The following KLC1 variants were observed in gnomAD, a reference collection of about 807,000 sequenced individuals.
The protein encoded by KLC1 is kinesin 2 60/70kDa.
In KLC1, 30 loss-of-function variants were observed where a neutral mutation model predicts 84.2. That is an observed-to-expected ratio of 0.36 (90% CI 0.27 to 0.48). The LOEUF (loss-of-function observed/expected upper bound fraction) is 0.48, where lower values mean the gene tolerates loss of function less well. Ranked by LOEUF, KLC1 falls within the 20% of genes least tolerant of loss-of-function variation. KLC1 has a pLI of 0.99. For synonymous variants in KLC1, 289 were observed against 293.3 expected, an observed-to-expected ratio of 0.99 and a Z score of 0.15; for missense variants, 499 against 805.4, an observed-to-expected ratio of 0.62 and a Z score of 4.60.
intron 1 of KLC1, among the ~76,000 whole-genome samples, chr14:103,636,393 G>A (rs1359107719): frequency 6.6e-6 from 1 of 151,934 alleles, no homozygotes; most frequent in African/African-American, 2.4e-5. Context: ...GGCTAATTTT[G>A]TATTTTTAGT....
At chr14:103,691,613 C>T (rs193108471) in intron 14 of KLC1, among the ~76,000 whole-genome samples, 1 of 151,908 alleles carries the variant, frequency 6.6e-6, no homozygotes, top group Admixed American at 6.6e-5. Flanking sequence ...GAATTACAGG[C>T]ACATGCCACC....
intron 1 of KLC1, 32 bp from the exon 2 acceptor site, chr14:103,654,532 G>A (rs1434914353): frequency 1.9e-6 from 3 of 1,546,600 alleles, no homozygotes; most frequent in South Asian, 1.2e-5. Flanking sequence ...CTGTAATGAG[G>A]GATCTAATTT....
At chr14:103,689,375 C>T (rs1285106596) in intron 14 of KLC1, among the ~76,000 whole-genome samples, 1 of 152,132 alleles carries the variant, frequency 6.6e-6, no homozygotes, top group African/African-American at 2.4e-5. Context: ...GAACTGTGGT[C>T]AGTGTTCATG....
chr14:103,677,522 A>G lies in KLC1; in HGVS notation c.1487A>G (p.Gln496Arg). 6.2e-7 allele frequency: 1 copy of G among 1,604,864 alleles called. No homozygotes were observed. The highest frequency in any genetic ancestry group is 1.1e-5 in the South Asian group (1 of 90,862). Residue 496 changes from glutamine to arginine, a missense_variant and splice_region_variant, in exon 12 of 17, where the codon CAG becomes CGG. By Grantham distance (43) the Gln-to-Arg change is conservative. This residue lies in a region of KLC1 where 167 missense variants were observed against 208.8 expected (regional missense o/e 0.80). Coordinates refer to ENST00000334553, the MANE Select transcript of KLC1 (RefSeq NM_001394837.1). The part of the protein sequence containing the change: ...LEEAAMRSRK[Q>R]GLDNVHKQRV... ...GAAGCTGCTATGAGGTCTCGTAAACAGGTTAGTCATACTTCTGTCCTTAAC... is the reference window on the plus strand; with the variant it reads ...GAAGCTGCTATGAGGTCTCGTAAACGGGTTAGTCATACTTCTGTCCTTAAC...
intron 5 of KLC1, among the ~76,000 whole-genome samples, chr14:103,663,415 C>G (rs536727424): frequency 5.3e-5 from 8 of 152,268 alleles, no homozygotes; most frequent in African/African-American, 1.7e-4. Context: ...GTCACTGAAT[C>G]AGAAGAACAG....
intron 6 of KLC1, among the ~76,000 whole-genome samples, 183 bp from the exon 7 acceptor site, chr14:103,669,999 G>T (rs1391465610): frequency 1.3e-5 from 2 of 152,190 alleles, no homozygotes; most frequent in South Asian, 2.1e-4. Flanking sequence ...GTATTCTGCA[G>T]TGTTACTTTG....
chr14:103,686,300 T>G, intron 13 of KLC1: 1 of 818,362 alleles, frequency 1.2e-6, no homozygotes, highest in Non-Finnish European at 1.5e-6. Context: ...GCACAGCTGC[T>G]AGGGGTCATG....
chr14:103,666,961 A>G (rs2079907047), intron 5 of KLC1, among the ~76,000 whole-genome samples: 1 of 148,194 alleles, frequency 6.7e-6, no homozygotes, highest in South Asian at 2.1e-4. Flanking sequence ...TATTTTTAGT[A>G]GAGACAGGGT....
chr14:103,680,677 G>A (rs912870089), intron 13 of KLC1, among the ~76,000 whole-genome samples: 1 of 152,226 alleles, frequency 6.6e-6, no homozygotes, highest in Non-Finnish European at 1.5e-5. Context: ...TTGGGCAGTA[G>A]TCTAAACTGA....
intron 15 of KLC1, chr14:103,700,201 G>A (rs1465378217): frequency 5.1e-6 from 1 of 195,542 alleles, no homozygotes; most frequent in African/African-American, 2.4e-5. Context: ...CTCAAGGCCA[G>A]TGCCTCCCGT....
Position 103,693,607 on chromosome 14 carries a change from C to G in KLC1, c.1848+1182C>G. On this transcript the variant is annotated intron_variant, in intron 15 of 16. Transcript: ENST00000334553. This position sits in a 1 kb window ranked among gnomAD's most constrained non-coding sequence, Gnocchi z 5.1. ...AGCTCTGAGTGCCAGCCACACTGAC[C>G]TGGCCCACTGAGAGCCAGCAGGGCT... The G allele has an allele frequency of 6.5e-7, 1 of 1,536,096 alleles. No individual in the cohort carries two copies. The highest frequency in any genetic ancestry group is 8.7e-7 in the Non-Finnish European group (1 of 1,146,902).
At chr14:103,646,466 A>AAT (rs2077935932) in intron 1 of KLC1, among the ~76,000 whole-genome samples, 1 of 151,980 alleles carries the variant, frequency 6.6e-6, no homozygotes, top group Non-Finnish European at 1.5e-5. Flanking sequence ...ATGCCCATCT[A>AAT]ATTTTTAATT....
At chr14:103,697,685 G>C (rs1182663054) in intron 15 of KLC1, 1 of 152,236 alleles carries the variant, frequency 6.6e-6, no homozygotes, top group Non-Finnish European at 1.5e-5. Context: ...GCACTGAGTG[G>C]GGGGTGGAGG....
At chr14:103,642,069 T>C (rs1400253769) in intron 1 of KLC1, among the ~76,000 whole-genome samples, 1 of 152,128 alleles carries the variant, frequency 6.6e-6, no homozygotes, top group Non-Finnish European at 1.5e-5. Flanking sequence ...TAGCTGGGAT[T>C]ACAGGCATGC....
chr14:103,646,441 C>T (rs1454609367), intron 1 of KLC1, among the ~76,000 whole-genome samples: 3 of 152,014 alleles, frequency 2.0e-5, no homozygotes, highest in East Asian at 1.9e-4. Flanking sequence ...GTTGGGAGTA[C>T]AGGCACATAC....
chr14:103,677,195 T>G (rs1222743023), intron 11 of KLC1, among the ~76,000 whole-genome samples: 1 of 152,198 alleles, frequency 6.6e-6, no homozygotes, highest in Non-Finnish European at 1.5e-5. Flanking sequence ...TAGCCTGGCC[T>G]GCAGGGGCTG....
At chr14:103,695,157 A>ATT (rs1368300840) in intron 15 of KLC1, 1 of 866,742 alleles carries the variant, frequency 1.2e-6, no homozygotes, top group Non-Finnish European at 1.4e-6. Flanking sequence ...AAAATGTTAA[A>ATT]TTATATATAT....
chr14:103,685,766 C>A, intron 13 of KLC1: 1 of 1,272,026 alleles, frequency 7.9e-7, no homozygotes, highest in Non-Finnish European at 1.0e-6. Flanking sequence ...CTGCACCTCT[C>A]TGTGAACTGG....
intron 5 of KLC1, among the ~76,000 whole-genome samples, chr14:103,667,427 T>C (rs1294588288): frequency 6.6e-6 from 1 of 151,744 alleles, no homozygotes; most frequent in Non-Finnish European, 1.5e-5. Flanking sequence ...ATTTTTAAAT[T>C]GCATTTGCTA....
Sources: allele counts gnomAD v4.1 joint callset (sites outside exome capture counted in the v4.1 genomes callset), GRCh38; gene constraint gnomAD v4.1.1; regional missense constraint gnomAD v4.1.1; non-coding constraint Gnocchi (gnomAD v3.1); transcripts MANE v1.5; gene names NCBI Gene and HGNC (gene_info 2026-07-23, HGNC 2026-07-21).